The following CMTM8 variants were observed in gnomAD, a reference collection of about 807,000 sequenced individuals.
CMTM8 encodes the protein CKLF-like MARVEL transmembrane domain-containing protein 8.
A neutral mutation model predicts 18.6 loss-of-function variants in CMTM8; 12 were observed. That is an observed-to-expected ratio of 0.65 (90% CI 0.41 to 1.05). The LOEUF (loss-of-function observed/expected upper bound fraction) is 1.05. CMTM8 is among the 50% of genes least tolerant of loss of function. The pLI, the probability that CMTM8 is intolerant of heterozygous loss-of-function variation, is 0.00. For missense variants in CMTM8, 217 were observed against 227.2 expected, an observed-to-expected ratio of 0.95 and a Z score of 0.29; for synonymous variants, 87 against 90.6, an observed-to-expected ratio of 0.96 and a Z score of 0.23.
chr3:32,335,395 G>A (rs1335438612), intron 1 of CMTM8, among the ~76,000 whole-genome samples: 1 of 152,194 alleles, frequency 6.6e-6, no homozygotes, highest in Non-Finnish European at 1.5e-5. Context: ...GTGGGTGGTG[G>A]AACTCTATGG....
At chr3:32,282,836 C>G (rs1206489581) in intron 1 of CMTM8, among the ~76,000 whole-genome samples, 2 of 152,202 alleles carry the variant, frequency 1.3e-5, no homozygotes, top group African/African-American at 4.8e-5. Context: ...ACACAGCAAG[C>G]ATGCTCCAGC....
At chr3:32,256,020 G>A (rs180725430) in intron 1 of CMTM8, among the ~76,000 whole-genome samples, 1 of 152,152 alleles carries the variant, frequency 6.6e-6, no homozygotes, top group East Asian at 1.9e-4. Context: ...GAGCCACCGT[G>A]CCCAGCCAAG....
intron 1 of CMTM8, among the ~76,000 whole-genome samples, chr3:32,265,978 A>C (rs993092582): frequency 3.3e-5 from 5 of 152,218 alleles, no homozygotes; most frequent in African/African-American, 4.8e-5. Context: ...TACCAACCAA[A>C]AAAAGTCCAG....
intron 1 of CMTM8, among the ~76,000 whole-genome samples, chr3:32,266,688 T>C (rs1044063354): frequency 2.0e-5 from 3 of 152,220 alleles, no homozygotes; most frequent in African/African-American, 7.2e-5. Flanking sequence ...ATGACATGAT[T>C]GTATATCTAG....
chr3:32,241,095 C>T (rs1345691219), intron 1 of CMTM8, among the ~76,000 whole-genome samples: 2 of 152,202 alleles, frequency 1.3e-5, no homozygotes, highest in Non-Finnish European at 2.9e-5. Context: ...ACCTTATGCA[C>T]ATATTTTAAA....
At chr3:32,315,112 T>A (rs1350899605) in intron 1 of CMTM8, among the ~76,000 whole-genome samples, 1 of 148,106 alleles carries the variant, frequency 6.8e-6, no homozygotes, top group African/African-American at 2.5e-5. Flanking sequence ...GCCTCTGTTT[T>A]CTTCTTCTTC....
intron 1 of CMTM8, among the ~76,000 whole-genome samples, chr3:32,281,402 G>C (rs1049696488): frequency 2.0e-5 from 3 of 152,124 alleles, no homozygotes; most frequent in African/African-American, 7.2e-5. Context: ...CTGGTTCTTG[G>C]GGGTAGGGAG....
At chr3:32,359,341 C>A (rs1360506112) in intron 2 of CMTM8, among the ~76,000 whole-genome samples, 1 of 152,178 alleles carries the variant, frequency 6.6e-6, no homozygotes, top group South Asian at 2.1e-4. Flanking sequence ...TGGTGGCTCA[C>A]ACCTGTAATC....
At position 32,270,509 on chromosome 3, in the gene CMTM8, G is replaced by A. The variant is rs559520180; in HGVS notation, c.147+31390G>A. Among the ~76,000 whole-genome samples the A allele has an allele frequency of 1.0e-3, 154 of 152,304 alleles. 1 individual carries two copies. In the Middle Eastern group the frequency reaches 0.054, roughly 54 times the overall value. On this transcript the variant is annotated intron_variant, in intron 1 of 3. Coordinates refer to ENST00000307526, the MANE Select transcript of CMTM8 (RefSeq NM_178868.5). ...TGATAGACTGGATTAAGAAAATGTG[G>A]CACATAGACACCGTGGAATACTATG...
intron 1 of CMTM8, among the ~76,000 whole-genome samples, chr3:32,336,487 C>A (rs565545479): frequency 6.6e-6 from 1 of 152,250 alleles, no homozygotes; most frequent in Admixed American, 6.5e-5. Context: ...TGGTTTTGAA[C>A]ATAGCCTTTC....
intron 3 of CMTM8, among the ~76,000 whole-genome samples, chr3:32,369,645 G>T (rs1695610257): frequency 6.6e-6 from 1 of 152,172 alleles, no homozygotes; most frequent in Admixed American, 6.5e-5. Context: ...ACTCCTAAGT[G>T]AACTCCCTGA....
chr3:32,331,455 C>G (rs1167437994), intron 1 of CMTM8, among the ~76,000 whole-genome samples: 1 of 151,906 alleles, frequency 6.6e-6, no homozygotes, highest in Non-Finnish European at 1.5e-5. Context: ...ACCCAACAAT[C>G]CCACTTCTGG....
intron 1 of CMTM8, among the ~76,000 whole-genome samples, chr3:32,303,646 GA>G (rs1271530001): frequency 6.8e-6 from 1 of 148,034 alleles, no homozygotes; most frequent in Non-Finnish European, 1.5e-5. Context: ...CTGTAATTTT[GA>G]AAAATTTCAA....
intron 1 of CMTM8, among the ~76,000 whole-genome samples, chr3:32,271,919 C>A (rs944660023): frequency 6.6e-6 from 1 of 152,112 alleles, no homozygotes; most frequent in Non-Finnish European, 1.5e-5. Flanking sequence ...GCTACTTTTC[C>A]ACCTACAAAT....
intron 1 of CMTM8, among the ~76,000 whole-genome samples, chr3:32,246,270 C>T (rs1181908134): frequency 6.6e-6 from 1 of 152,152 alleles, no homozygotes; most frequent in Non-Finnish European, 1.5e-5. Context: ...GTCCCACTGG[C>T]CGCATCTACT....
intron 2 of CMTM8, 123 bp downstream of exon 2, chr3:32,357,669 C>A: frequency 2.2e-6 from 2 of 913,872 alleles, no homozygotes; most frequent in Non-Finnish European, 3.3e-6. Context: ...ATGGAGAACT[C>A]AACACAGCAG....
At chr3:32,265,870 C>G (rs1170241285) in intron 1 of CMTM8, among the ~76,000 whole-genome samples, 2 of 151,414 alleles carry the variant, frequency 1.3e-5, no homozygotes, top group East Asian at 3.9e-4. Flanking sequence ...TGGATAAATT[C>G]CTGGACACAT....
intron 1 of CMTM8, among the ~76,000 whole-genome samples, chr3:32,277,618 T>G (rs1702539716): frequency 6.6e-6 from 1 of 152,172 alleles, no homozygotes; most frequent in Non-Finnish European, 1.5e-5. Flanking sequence ...CTCAAAGGAC[T>G]CTATTACCCG....
intron 1 of CMTM8, among the ~76,000 whole-genome samples, chr3:32,352,574 T>C (rs1215263776): frequency 6.6e-6 from 1 of 152,172 alleles, no homozygotes; most frequent in Non-Finnish European, 1.5e-5. Context: ...ACTCTCACAG[T>C]ATTGAGCAAC....
Sources: allele counts gnomAD v4.1 joint callset (sites outside exome capture counted in the v4.1 genomes callset), GRCh38; gene constraint gnomAD v4.1.1; transcripts MANE v1.5; gene names NCBI Gene and HGNC (gene_info 2026-07-23, HGNC 2026-07-21).